Variants in TRIM66 observed in about 807,000 individuals in gnomAD.
TRIM66 encodes the protein tripartite motif containing 66.
Under a neutral mutation model 148.2 loss-of-function variants are expected in TRIM66, and 99 were observed. The observed-to-expected ratio is 0.67, with a 90% confidence interval of 0.57 to 0.79. TRIM66 has a LOEUF of 0.79. Ranked by LOEUF, TRIM66 falls within the 30% of genes least tolerant of loss-of-function variation. The probability of loss-of-function intolerance (pLI) is 0.00; values close to 1 mark genes in which losing one functional copy is unlikely to be tolerated. For synonymous variants in TRIM66, 616 were observed against 635.9 expected, an observed-to-expected ratio of 0.97 and a Z score of 0.47; for missense variants, 1,666 against 1,697.9, an observed-to-expected ratio of 0.98 and a Z score of 0.33.
Position 8,655,966 on chromosome 11 carries a change from AGAGCAGAGGTG to A in TRIM66, c.341-4074_341-4064del, listed in dbSNP as rs1426282674. 4.6e-5 allele frequency among the ~76,000 whole-genome samples: 7 copies of A among 152,332 alleles called. No individual in the cohort carries two copies. The East Asian group carries it at 1.3e-3, about 29-fold the overall frequency. ...CCCTCTAAGAGGGGCTGTGCAGCAAAGAGCAGAGGTGGAGAACCATCACAGTGGTGCAGGCA... is the reference window on the plus strand; with the variant it reads ...CCCTCTAAGAGGGGCTGTGCAGCAAAGAGAACCATCACAGTGGTGCAGGCA... On this transcript the variant is annotated intron_variant, in intron 6 of 24. Coordinates refer to ENST00000646038, the MANE Select transcript of TRIM66 (RefSeq NM_001388022.1).
chr11:8,641,588 G>C (rs1242617477), intron 13 of TRIM66, among the ~76,000 whole-genome samples: 1 of 152,152 alleles, frequency 6.6e-6, no homozygotes, highest in Non-Finnish European at 1.5e-5. Flanking sequence ...CCAGATACAG[G>C]TGTGGGGAAC....
chr11:8,634,595 C>A (rs2035713264), intron 15 of TRIM66, among the ~76,000 whole-genome samples: 1 of 152,192 alleles, frequency 6.6e-6, no homozygotes, highest in African/African-American at 2.4e-5. Flanking sequence ...AGGGTTGTAG[C>A]CATGGTCTTT....
rs1565534824 is a variant in TRIM66 at position 8,648,476 on chromosome 11, C to T, written c.665G>A (p.Cys222Tyr). The change falls in exon 9 of 25, where the codon TGT (cysteine) becomes TAT (tyrosine). Residue 222 changes from cysteine (C) to tyrosine (Y), a missense_variant. Coordinates refer to ENST00000646038, the MANE Select transcript of TRIM66 (RefSeq NM_001388022.1). Reference sequence around the variant, plus strand: ...GCAAGTGAGCATATCACATGTCTCACAGAATAGCTTGAGTACTTCCTGTGT... The same window carrying T: ...GCAAGTGAGCATATCACATGTCTCATAGAATAGCTTGAGTACTTCCTGTGT... ...LHTQEVLKLF[C>Y]ETCDMLTCHS... 1 of 1,551,750 alleles carries T rather than the reference C, an allele frequency of 6.4e-7. No individual in the cohort carries two copies. The highest frequency in any genetic ancestry group is 8.7e-7 in the Non-Finnish European group (1 of 1,147,012).
chr11:8,658,209 G>A (rs943793628), intron 6 of TRIM66, among the ~76,000 whole-genome samples: 24 of 152,184 alleles, frequency 1.6e-4, no homozygotes, highest in East Asian at 1.9e-4. Context: ...TGTTTATCTC[G>A]AAGGCTCTGC....
At chr11:8,640,099 G>A (rs1592094380) in intron 14 of TRIM66, 128 bp downstream of exon 14, 1 of 934,584 alleles carries the variant, frequency 1.1e-6, no homozygotes, top group African/African-American at 1.7e-5. Flanking sequence ...AAATGTGAGG[G>A]CTGAGCTCAA....
At chr11:8,620,737 T>G (rs2034127833) in intron 20 of TRIM66, among the ~76,000 whole-genome samples, 165 bp from the exon 21 acceptor site, 2 of 152,230 alleles carry the variant, frequency 1.3e-5, no homozygotes. Context: ...ACTCAGAATT[T>G]TGTGAATCTA....
chr11:8,682,229 T>C (rs2039468794), intron 1 of TRIM66, among the ~76,000 whole-genome samples: 1 of 151,978 alleles, frequency 6.6e-6, no homozygotes, highest in East Asian at 1.9e-4. Flanking sequence ...CACTCAGAAG[T>C]GTGAGAGCGG....
intron 13 of TRIM66, among the ~76,000 whole-genome samples, chr11:8,642,154 C>T (rs1443626311): frequency 6.6e-6 from 1 of 152,108 alleles, no homozygotes; most frequent in Non-Finnish European, 1.5e-5. Context: ...CTAATGACTC[C>T]TTCCTCTCAT....
At position 8,651,816 on chromosome 11, in the gene TRIM66, T is replaced by G. The variant is rs1592143689; in HGVS notation, c.428A>C (p.Gln143Pro). The change falls in exon 7 of 25, where the codon CAA (glutamine) becomes CCA (proline). Residue 143 changes from glutamine (Q) to proline (P), a missense_variant. Gln to Pro is a moderately conservative substitution (Grantham distance 76). This residue lies in a region of TRIM66 where 1,431 missense variants were observed against 1,412.4 expected (regional missense o/e 1.01). Transcript: ENST00000646038. Reference sequence around the variant, plus strand: ...CTGACTTACCCTGGCCATCTTGGGTTGCTCAGTAGGAACACAATGCAGAAA... The same window carrying G: ...CTGACTTACCCTGGCCATCTTGGGTGGCTCAGTAGGAACACAATGCAGAAA... Reference protein sequence around the residue: ...HFFLHCVPTEQPKMARNCSEC... With the variant: ...HFFLHCVPTEPPKMARNCSEC... 2 of 1,551,780 alleles carry G rather than the reference T, an allele frequency of 1.3e-6. No homozygotes were observed. The highest frequency in any genetic ancestry group is 2.4e-5 in the East Asian group (1 of 40,920).
upstream of TRIM66, chr11:8,683,140 TG>T: frequency 6.6e-7 from 1 of 1,522,380 alleles, no homozygotes; most frequent in Non-Finnish European, 9.1e-7. Context: ...CCATCTCGGC[TG>T]GCGGGCATCG....
Position 8,640,961 on chromosome 11 carries a change from G to T in TRIM66, c.1414C>A (p.Pro472Thr), listed in dbSNP as rs924034721. The change falls in exon 14 of 25, where the codon CCA (proline) becomes ACA (threonine). Residue 472 changes from proline to threonine, a missense_variant. Physicochemically the swap from Pro to Thr is conservative, Grantham distance 38 (BLOSUM62 -1). Around this residue, in one of 3 missense-constraint regions of TRIM66, gnomAD observed 1,431 missense variants for 1,412.4 expected, o/e 1.01. Coordinates refer to ENST00000646038, the MANE Select transcript of TRIM66 (RefSeq NM_001388022.1). ...TGGCCTTTGAGGGAAGGCGAGACTG[G>T]GGAGCAGTGGGAGCAGCACACAGAT... is the stretch of plus-strand genomic sequence containing the variant. ...SSSVCCSHCS[P>T]VSPSLKGQVP... 1.3e-6 allele frequency: 2 copies of T among 1,551,300 alleles called. No homozygotes were observed. The highest frequency in any genetic ancestry group is 2.4e-5 in the South Asian group (2 of 84,028).
intron 13 of TRIM66, among the ~76,000 whole-genome samples, chr11:8,642,586 C>T (rs768796068): frequency 3.9e-5 from 6 of 152,100 alleles, no homozygotes; most frequent in Admixed American, 2.0e-4. Flanking sequence ...AACATGCACA[C>T]GCAGTCTCAC....
chr11:8,650,953 C>T (rs542921235), intron 7 of TRIM66, among the ~76,000 whole-genome samples: 6 of 152,192 alleles, frequency 3.9e-5, no homozygotes, highest in African/African-American at 1.2e-4. Flanking sequence ...AGTTGTGCTC[C>T]CACACCTGGG....
At chr11:8,682,466 G>T in intron 1 of TRIM66, 135 bp downstream of exon 1, 1 of 386,644 alleles carries the variant, frequency 2.6e-6, no homozygotes, top group Non-Finnish European at 4.7e-6. Context: ...CCTTAGGGTC[G>T]GCTTAGGCGG....
chr11:8,648,026 T>C lies in TRIM66; in HGVS notation c.786A>G (p.Thr262=), dbSNP rs1349026255. Residue 262 remains threonine (T), a synonymous_variant, in exon 10 of 25, where the codon ACA becomes ACG. Coordinates refer to ENST00000646038, the MANE Select transcript of TRIM66 (RefSeq NM_001388022.1). ...NQRMLLEGVT[T]QVAHKKSSLQ... The stretch of plus-strand genomic sequence containing the variant: ...GACTGGATTTCTTATGTGCCACCTG[T>C]GTAGTCACACCTTCCAGAAGCATCC... 1.3e-6 allele frequency: 2 copies of C among 1,551,810 alleles called. No homozygotes were observed. Among genetic ancestry groups the C allele is most frequent in the Admixed American group, 2.0e-5 (1 of 51,004 alleles).
intron 15 of TRIM66, among the ~76,000 whole-genome samples, chr11:8,626,830 A>T (rs1487801169): frequency 6.6e-6 from 1 of 151,994 alleles, no homozygotes; most frequent in Non-Finnish European, 1.5e-5. Context: ...TCATTCAATA[A>T]CCCTCTCCTC....
intron 3 of TRIM66, among the ~76,000 whole-genome samples, chr11:8,675,722 T>A (rs979075150): frequency 4.6e-5 from 7 of 151,716 alleles, no homozygotes; most frequent in Non-Finnish European, 1.0e-4. Context: ...TTTCACTTTT[T>A]ATTTTTTTAA....
upstream of TRIM66, chr11:8,683,033 G>T: frequency 1.2e-6 from 1 of 848,958 alleles, no homozygotes. Flanking sequence ...GGGCCCCTGC[G>T]CTACCGTGGT....
In TRIM66 at chr11:8,672,066, G is replaced by C; in HGVS notation, c.60C>G (p.Phe20Leu). The change falls in exon 6 of 25, where the codon TTC (phenylalanine) becomes TTG (leucine). Residue 20 changes from phenylalanine to leucine, a missense_variant. Phe to Leu is a conservative substitution (Grantham distance 22). Coordinates refer to ENST00000646038, the MANE Select transcript of TRIM66 (RefSeq NM_001388022.1). ...CTTTTCCACTGATATCCTCAGGTGA[G>C]AAGCAGCGTGTAGAGCGAGCCAGCT... ...GVELARSTRCFSPEDISGKAP... is the reference protein window; with the variant it reads ...GVELARSTRCLSPEDISGKAP... 14 of 1,535,390 alleles carry C rather than the reference G, an allele frequency of 9.1e-6. No homozygotes were observed. Among genetic ancestry groups the C allele is most frequent in the African/African-American group, 1.4e-5 (1 of 73,176 alleles).
Sources: allele counts gnomAD v4.1 joint callset (sites outside exome capture counted in the v4.1 genomes callset), GRCh38; gene constraint gnomAD v4.1.1; regional missense constraint gnomAD v4.1.1; transcripts MANE v1.5; gene names NCBI Gene and HGNC (gene_info 2026-07-23, HGNC 2026-07-21).